The following DLGAP1 variants were observed in gnomAD, a reference collection of about 807,000 sequenced individuals.
The protein encoded by DLGAP1 is disks large-associated protein 1.
A neutral mutation model predicts 90.8 loss-of-function variants in DLGAP1; 11 were observed. The ratio of observed to expected loss-of-function variants is 0.12; its 90% CI spans 0.08 to 0.20. The LOEUF is 0.20. Ranked by LOEUF, DLGAP1 falls within the 10% of genes least tolerant of loss-of-function variation. The pLI is 1.00. For synonymous variants in DLGAP1, 558 were observed against 540.7 expected, an observed-to-expected ratio of 1.03 and a Z score of -0.44; for missense variants, 1,050 against 1,333.8, an observed-to-expected ratio of 0.79 and a Z score of 3.31.
intron 3 of DLGAP1, among the ~76,000 whole-genome samples, chr18:3,894,162 T>C (rs1225897484): frequency 2.6e-5 from 4 of 152,242 alleles, no homozygotes; most frequent in Non-Finnish European, 5.9e-5. Flanking sequence ...TTTCCTCCCA[T>C]TCTGTAAGTG....
intron 9 of DLGAP1, among the ~76,000 whole-genome samples, chr18:3,546,966 A>G (rs1240143871): frequency 7.3e-6 from 1 of 136,242 alleles, no homozygotes; most frequent in African/African-American, 3.2e-5. Flanking sequence ...ATAATCTTTT[A>G]GCAGACAGAT....
intron 10 of DLGAP1, among the ~76,000 whole-genome samples, chr18:3,514,409 GAC>G (rs1306916107): frequency 6.6e-6 from 1 of 152,168 alleles, no homozygotes; most frequent in Non-Finnish European, 1.5e-5. Context: ...GCCTGGATAC[GAC>G]AGACACCCCT....
chr18:4,006,592 T>G (rs2074305726), intron 2 of DLGAP1, among the ~76,000 whole-genome samples: 1 of 151,914 alleles, frequency 6.6e-6, no homozygotes, highest in Non-Finnish European at 1.5e-5. Flanking sequence ...TATCAACCCT[T>G]TTGAGTTATG....
At chr18:3,683,019 G>C (rs2060576052) in intron 7 of DLGAP1, among the ~76,000 whole-genome samples, 2 of 152,080 alleles carry the variant, frequency 1.3e-5, no homozygotes, top group South Asian at 4.2e-4. Flanking sequence ...CTCACGCCTG[G>C]CTAACTTTTG....
intron 3 of DLGAP1, among the ~76,000 whole-genome samples, chr18:3,973,290 CAA>C (rs3031700): frequency 7.4e-6 from 1 of 134,886 alleles, no homozygotes; most frequent in Non-Finnish European, 1.6e-5. Flanking sequence ...TAGCCATAGC[CAA>C]AAAAAAAAAA....
chr18:4,428,337 T>C (rs975614782), intron 1 of DLGAP1, among the ~76,000 whole-genome samples: 19 of 152,046 alleles, frequency 1.2e-4, no homozygotes, highest in Non-Finnish European at 2.2e-4. Context: ...TCCCAGCACT[T>C]TGGGAGGCCA....
intron 3 of DLGAP1, among the ~76,000 whole-genome samples, chr18:3,981,599 G>C (rs544926653): frequency 2.0e-5 from 3 of 152,292 alleles, no homozygotes; most frequent in African/African-American, 7.2e-5. Flanking sequence ...CTATAACTAA[G>C]AACAGGGCAC....
chr18:4,341,872 AAGAT>A (rs1316620995), intron 1 of DLGAP1, among the ~76,000 whole-genome samples: 1 of 152,094 alleles, frequency 6.6e-6, no homozygotes, highest in Non-Finnish European at 1.5e-5. Flanking sequence ...AAAATGATGA[AAGAT>A]AGCTTTGAAA....
Position 4,378,100 on chromosome 18 carries a change from T to C in DLGAP1, c.-267+76906A>G, listed in dbSNP as rs894288786. Reference sequence around the variant, plus strand: ...TCACTTTTCAATCTTTTTTCTAATATATAACATATATTAGAAATATTGTAT... The same window carrying C: ...TCACTTTTCAATCTTTTTTCTAATACATAACATATATTAGAAATATTGTAT... On this transcript the variant is annotated intron_variant, in intron 1 of 12. Coordinates refer to ENST00000315677, the MANE Select transcript of DLGAP1 (RefSeq NM_004746.4). This position sits in a 1 kb window ranked among gnomAD's most constrained non-coding sequence, Gnocchi z 4.5. Among the ~76,000 whole-genome samples, 46 of 148,462 alleles carry C rather than the reference T, an allele frequency of 3.1e-4. No individual in the cohort carries two copies. The highest frequency in any genetic ancestry group is 9.5e-4 in the African/African-American group (39 of 40,926).
intron 7 of DLGAP1, among the ~76,000 whole-genome samples, chr18:3,686,912 G>C (rs2060724306): frequency 6.6e-6 from 1 of 152,196 alleles, no homozygotes; most frequent in Admixed American, 6.5e-5. Context: ...GAGGTGGTGA[G>C]ATTATCCCGG....
chr18:4,345,259 C>T lies in DLGAP1; in HGVS notation c.-267+109747G>A, dbSNP rs934367743. ...CAAGGATTCCCTACACTAACTATTC[C>T]TATTCTGCCGTTCCATTCAACTCTA... On this transcript the variant is annotated intron_variant, in intron 1 of 12. Transcript: ENST00000315677. 3.3e-5 allele frequency among the ~76,000 whole-genome samples: 5 copies of T among 152,134 alleles called. No homozygotes were observed. The South Asian group carries it at 6.2e-4, about 19-fold the overall frequency.
At chr18:4,185,104 A>G (rs1252693055) in intron 1 of DLGAP1, among the ~76,000 whole-genome samples, 1 of 152,080 alleles carries the variant, frequency 6.6e-6, no homozygotes. Flanking sequence ...TCTGTTAAAT[A>G]CTATTTACCT....
At chr18:4,339,309 C>A (rs1197823966) in intron 1 of DLGAP1, among the ~76,000 whole-genome samples, 9 of 152,150 alleles carry the variant, frequency 5.9e-5, no homozygotes, top group Admixed American at 5.2e-4. Flanking sequence ...ATAACACACA[C>A]TGTTTTGTGT....
rs1567866581 is a variant in DLGAP1 at position 3,631,757 on chromosome 18, ATAAAT to A, written c.1592-49514_1592-49510del. On this transcript the variant is annotated intron_variant, in intron 7 of 12. Coordinates refer to ENST00000315677, the MANE Select transcript of DLGAP1 (RefSeq NM_004746.4). ...GCAAGATCCTGTCTCAAATAAGTAA[ATAAAT>A]TAAATAAAATTCACAAGATGTAATT... 4.4e-5 allele frequency among the ~76,000 whole-genome samples: 6 copies of A among 135,746 alleles called. No homozygotes were observed. In the South Asian group the frequency reaches 1.3e-3, roughly 29 times the overall value. The allele number at this position is 135,746 out of a possible 152,430, so 89.1% of individuals were successfully genotyped here.
intron 9 of DLGAP1, among the ~76,000 whole-genome samples, chr18:3,550,734 C>CTTTTTTTT (rs1165404588): frequency 3.5e-5 from 3 of 85,202 alleles, no homozygotes; most frequent in East Asian, 4.1e-4. Flanking sequence ...GAACCAGACC[C>CTTTTTTTT]TTTTTTTTTT....
intron 4 of DLGAP1, among the ~76,000 whole-genome samples, chr18:3,855,676 T>C (rs1221491589): frequency 1.3e-5 from 2 of 152,112 alleles, no homozygotes; most frequent in Non-Finnish European, 2.9e-5. Context: ...TGTAATGGCA[T>C]GGTCTCGGCT....
chr18:3,706,390 A>G (rs999576876), intron 7 of DLGAP1, among the ~76,000 whole-genome samples: 1 of 152,212 alleles, frequency 6.6e-6, no homozygotes, highest in Non-Finnish European at 1.5e-5. Flanking sequence ...TGATGGACAC[A>G]TAAGGGCCAT....
At chr18:3,789,842 TA>T (rs892998866) in intron 5 of DLGAP1, among the ~76,000 whole-genome samples, 7 of 152,106 alleles carry the variant, frequency 4.6e-5, no homozygotes, top group African/African-American at 1.7e-4. Context: ...GAAACAACAA[TA>T]AAAAGGAAAT....
chr18:4,382,606 T>C (rs73941481), intron 1 of DLGAP1, among the ~76,000 whole-genome samples: 3,926 of 151,960 alleles, frequency 0.026, 174 homozygotes, highest in African/African-American at 0.089. Context: ...ACTTTGCAAT[T>C]AAAAAAACCT....
Sources: allele counts gnomAD v4.1 joint callset (sites outside exome capture counted in the v4.1 genomes callset), GRCh38; gene constraint gnomAD v4.1.1; non-coding constraint Gnocchi (gnomAD v3.1); transcripts MANE v1.5; gene names NCBI Gene and HGNC (gene_info 2026-07-23, HGNC 2026-07-21).